Variants in DOK5 observed in about 807,000 individuals in gnomAD.
DOK5 encodes docking protein 5.
Under a neutral mutation model 43.3 loss-of-function variants are expected in DOK5, and 27 were observed. The ratio of observed to expected loss-of-function variants is 0.62; its 90% CI spans 0.46 to 0.86. The LOEUF (loss-of-function observed/expected upper bound fraction) is 0.86, where lower values mean the gene tolerates loss of function less well. DOK5 is among the 40% of genes least tolerant of loss of function. The pLI is 0.00. For missense variants in DOK5, 373 were observed against 392.9 expected (o/e 0.95, Z 0.43); for synonymous variants, 146 against 140.1 (o/e 1.04, Z -0.30).
chr20:54,620,192 C>CT (rs1986936004), intron 6 of DOK5, among the ~76,000 whole-genome samples: 1 of 152,088 alleles, frequency 6.6e-6, no homozygotes, highest in African/African-American at 2.4e-5. Flanking sequence ...TGTGTTAGAT[C>CT]TTATGGAGAA....
At chr20:54,622,449 A>G (rs1227715025) in intron 6 of DOK5, among the ~76,000 whole-genome samples, 2 of 152,162 alleles carry the variant, frequency 1.3e-5, no homozygotes, top group East Asian at 1.9e-4. Flanking sequence ...GGTGTGTTTT[A>G]ATAGTGCTTT....
chr20:54,511,651 G>C (rs1983019520), intron 1 of DOK5, among the ~76,000 whole-genome samples: 2 of 152,162 alleles, frequency 1.3e-5, no homozygotes, highest in Non-Finnish European at 2.9e-5. Flanking sequence ...AAAGAGGAAG[G>C]TATTGGCTTA....
chr20:54,524,480 A>G (rs1158794381), intron 1 of DOK5, among the ~76,000 whole-genome samples: 1 of 152,180 alleles, frequency 6.6e-6, no homozygotes, highest in Non-Finnish European at 1.5e-5. Context: ...ATTTTAGGAA[A>G]ATCTATTAGC....
chr20:54,641,458 G>C (rs1397832106), intron 6 of DOK5, among the ~76,000 whole-genome samples: 1 of 151,668 alleles, frequency 6.6e-6, no homozygotes, highest in African/African-American at 2.4e-5. Context: ...GAGGGGATGT[G>C]TACAGTGGAG....
intron 2 of DOK5, among the ~76,000 whole-genome samples, chr20:54,561,652 A>C (rs988139609): frequency 6.6e-6 from 1 of 152,092 alleles, no homozygotes; most frequent in African/African-American, 2.4e-5. Flanking sequence ...TTCTTGTTTA[A>C]GCCTTTATTT....
At chr20:54,483,006 T>G (rs1158379123) in intron 1 of DOK5, among the ~76,000 whole-genome samples, 1 of 152,242 alleles carries the variant, frequency 6.6e-6, no homozygotes, top group Non-Finnish European at 1.5e-5. Context: ...TTATTTTGGC[T>G]TCATTTGAAT....
At position 54,537,676 on chromosome 20, in the gene DOK5, A is replaced by G. The variant is rs1261613045; in HGVS notation, c.67-17257A>G. On this transcript the variant is annotated intron_variant, in intron 1 of 7. Coordinates refer to ENST00000262593, the MANE Select transcript of DOK5 (RefSeq NM_018431.5). ...AAAAATAATCACAAGAGTTTCAGGG[A>G]CCTTGTGGCATTGTAACTAAAGATC... Among the ~76,000 whole-genome samples, 4 of 152,228 alleles carry G rather than the reference A, an allele frequency of 2.6e-5. No homozygotes were observed. The South Asian group carries it at 6.2e-4, about 24-fold the overall frequency.
At chr20:54,504,854 C>T (rs1386220669) in intron 1 of DOK5, among the ~76,000 whole-genome samples, 3 of 152,178 alleles carry the variant, frequency 2.0e-5, no homozygotes, top group African/African-American at 7.2e-5. Context: ...TAGTTTGGCT[C>T]ATATCTGTGA....
intron 5 of DOK5, among the ~76,000 whole-genome samples, chr20:54,595,989 C>A (rs2146776095): frequency 6.6e-6 from 1 of 152,328 alleles, no homozygotes; most frequent in East Asian, 1.9e-4. Context: ...GGATGCTGGG[C>A]TTCTCCTAAA....
chr20:54,540,879 T>C (rs1984135827), intron 1 of DOK5, among the ~76,000 whole-genome samples: 1 of 148,652 alleles, frequency 6.7e-6, no homozygotes, highest in East Asian at 1.9e-4. Context: ...ATAGGGAAGA[T>C]AATATTATTG....
chr20:54,601,007 C>T (rs1986284020), intron 5 of DOK5, among the ~76,000 whole-genome samples: 1 of 152,120 alleles, frequency 6.6e-6, no homozygotes, highest in Non-Finnish European at 1.5e-5. Flanking sequence ...ATGTGGGTAA[C>T]AGTGAATATG....
At chr20:54,503,771 T>G (rs1331413992) in intron 1 of DOK5, among the ~76,000 whole-genome samples, 1 of 152,164 alleles carries the variant, frequency 6.6e-6, no homozygotes, top group Non-Finnish European at 1.5e-5. Flanking sequence ...GGAACCTGGT[T>G]TGCAGGGTCT....
At chr20:54,647,797 C>T (rs1188741031) in intron 7 of DOK5, among the ~76,000 whole-genome samples, 2 of 152,192 alleles carry the variant, frequency 1.3e-5, no homozygotes, top group East Asian at 1.9e-4. Flanking sequence ...CTGAGATGCC[C>T]TGCAATGAAA....
At chr20:54,577,695 G>T (rs1985496104) in intron 2 of DOK5, among the ~76,000 whole-genome samples, 1 of 152,168 alleles carries the variant, frequency 6.6e-6, no homozygotes, top group Non-Finnish European at 1.5e-5. Flanking sequence ...TCTCACTCTT[G>T]TTACATGAGG....
chr20:54,527,985 T>G, intron 1 of DOK5, among the ~76,000 whole-genome samples: 2 of 152,166 alleles, frequency 1.3e-5, no homozygotes, highest in Admixed American at 1.3e-4. Context: ...GATGGGTGGA[T>G]CACCTGAGGT....
intron 5 of DOK5, among the ~76,000 whole-genome samples, chr20:54,602,864 G>A (rs1986340113): frequency 6.6e-6 from 1 of 152,056 alleles, no homozygotes; most frequent in African/African-American, 2.4e-5. Context: ...AGTAGAGATG[G>A]GGTTTCATCA....
At chr20:54,507,872 G>T (rs1600669288) in intron 1 of DOK5, among the ~76,000 whole-genome samples, 1 of 152,352 alleles carries the variant, frequency 6.6e-6, no homozygotes, top group African/African-American at 2.4e-5. Flanking sequence ...TCTGGTAGGA[G>T]TTTAAAGAGT....
chr20:54,493,377 T>A (rs1200485143), intron 1 of DOK5, among the ~76,000 whole-genome samples: 1 of 152,116 alleles, frequency 6.6e-6, no homozygotes, highest in Non-Finnish European at 1.5e-5. Context: ...GTCACCATCC[T>A]TATATGTGCT....
intron 7 of DOK5, among the ~76,000 whole-genome samples, chr20:54,648,947 C>T (rs1031325069): frequency 3.9e-5 from 6 of 152,120 alleles, no homozygotes; most frequent in South Asian, 2.1e-4. Context: ...CAGTGTTTTC[C>T]GAACTCTTCT....
Sources: gnomAD v4.1 joint callset for allele counts (sites outside exome capture counted in the v4.1 genomes callset) on GRCh38, gnomAD v4.1.1 for gene constraint, MANE v1.5 for transcripts, NCBI Gene and HGNC (gene_info 2026-07-23, HGNC 2026-07-21) for gene names.